Variants in ANK1 observed in about 807,000 individuals in gnomAD.
ANK1 encodes the protein ankyrin-1.
ANK1 carries 51 observed loss-of-function variants against 210.4 expected under a neutral mutation model. The ratio of observed to expected loss-of-function variants is 0.24; its 90% CI spans 0.19 to 0.31. ANK1 has a LOEUF of 0.31. Among genes scored for constraint, ANK1 ranks in the 10% least tolerant of loss-of-function variants. ANK1 has a pLI of 1.00. For missense variants in ANK1, 2,051 were observed against 2,504.4 expected (o/e 0.82, Z 3.86); for synonymous variants, 967 against 1,025.9 (o/e 0.94, Z 1.10).
At chr8:41,732,772 A>G (rs1832515266) in intron 3 of ANK1, among the ~76,000 whole-genome samples, 1 of 151,646 alleles carries the variant, frequency 6.6e-6, no homozygotes, top group Non-Finnish European at 1.5e-5. Flanking sequence ...TCTGTCACCC[A>G]GGCTAGAGTG....
chr8:41,840,007 C>T (rs555747979), intron 1 of ANK1: 1 of 152,042 alleles, frequency 6.6e-6, no homozygotes, highest in South Asian at 2.1e-4. Context: ...TGCAATTTTT[C>T]TATAGATTTA....
chr8:41,688,100 G>C (rs1489326907), intron 35 of ANK1, 56 bp downstream of exon 35: 19 of 1,550,778 alleles, frequency 1.2e-5, no homozygotes, highest in Non-Finnish European at 1.5e-5. Flanking sequence ...TCATTACAGG[G>C]GAAGAGGGTA....
chr8:41,724,040 G>C (rs191361453), intron 7 of ANK1, among the ~76,000 whole-genome samples: 1 of 151,762 alleles, frequency 6.6e-6, no homozygotes, highest in Non-Finnish European at 1.5e-5. Context: ...CGCCCGTCTC[G>C]GCCTCCCAAA....
chr8:41,799,765 C>G (rs993434407), upstream of ANK1, among the ~76,000 whole-genome samples: 1 of 152,152 alleles, frequency 6.6e-6, no homozygotes, highest in Non-Finnish European at 1.5e-5. Flanking sequence ...GCTCCTCTCC[C>G]TTGGATACAG....
At chr8:41,708,009 C>A (rs778171392) in intron 17 of ANK1, among the ~76,000 whole-genome samples, 46 of 151,970 alleles carry the variant, frequency 3.0e-4, no homozygotes, top group Non-Finnish European at 6.2e-4. Context: ...TGTGAGGGAC[C>A]GGGGGCTCTG....
chr8:41,869,591 AG>A (rs1461494463), intron 1 of ANK1, among the ~76,000 whole-genome samples: 1 of 152,170 alleles, frequency 6.6e-6, no homozygotes, highest in African/African-American at 2.4e-5. Flanking sequence ...TTTAAAAAAA[AG>A]AAAGGAAAAC....
chr8:41,703,701 C>T (rs1019468949), intron 20 of ANK1, among the ~76,000 whole-genome samples: 8 of 151,626 alleles, frequency 5.3e-5, no homozygotes, highest in African/African-American at 1.2e-4. Context: ...ATGTTGCCCA[C>T]GCTGGTCTTG....
intron 1 of ANK1, among the ~76,000 whole-genome samples, chr8:41,836,137 T>G (rs937223482): frequency 1.3e-5 from 2 of 152,230 alleles, no homozygotes; most frequent in African/African-American, 4.8e-5. Flanking sequence ...CTTCAGCCAC[T>G]CTGGGAGACT....
intron 1 of ANK1, among the ~76,000 whole-genome samples, chr8:41,894,871 C>T (rs1193635243): frequency 1.3e-5 from 2 of 151,776 alleles, no homozygotes; most frequent in Admixed American, 6.6e-5. Context: ...GTGGCACCAA[C>T]CCAAACTCTG....
At position 41,757,989 on chromosome 8, in the gene ANK1, C is replaced by A. The variant is rs547958201; in HGVS notation, c.129+47G>T. 3.9e-6 allele frequency: 6 copies of A among 1,530,708 alleles called. No homozygotes were observed. In the South Asian group the frequency reaches 5.6e-5, roughly 14 times the overall value. 94.8% of individuals were successfully genotyped at this position (1,530,708 alleles called of 1,614,324 possible). A position where few individuals can be genotyped will look rare whatever the true frequency, so the allele number is the denominator to read the frequency against. ...AAAGCTCTCAGGAAATGGCATCAGG[C>A]AAGAGCTACTCTTCAGAGACAACAG... On this transcript the variant is annotated intron_variant, in intron 2 of 42. Transcript: ENST00000289734.
chr8:41,723,856 C>T (rs1829999599), intron 7 of ANK1, among the ~76,000 whole-genome samples: 1 of 149,286 alleles, frequency 6.7e-6, no homozygotes, highest in Non-Finnish European at 1.5e-5. Flanking sequence ...GTGGCGCGAT[C>T]TCGACTCACT....
chr8:41,715,132 A>C, intron 14 of ANK1, 58 bp from the exon 15 acceptor site: 2 of 1,480,034 alleles, frequency 1.4e-6, no homozygotes, highest in South Asian at 2.3e-5. Context: ...CCCTGGAGAA[A>C]GGGCCCACAG....
intron 37 of ANK1, among the ~76,000 whole-genome samples, chr8:41,684,224 G>A (rs1586050775): frequency 1.3e-5 from 2 of 152,246 alleles, no homozygotes; most frequent in East Asian, 3.9e-4. Flanking sequence ...TCTCTAGCTA[G>A]AGGCCTCTGA....
At chr8:41,822,659 A>G (rs569771789) in intron 1 of ANK1, among the ~76,000 whole-genome samples, 62 of 152,174 alleles carry the variant, frequency 4.1e-4, no homozygotes, top group Non-Finnish European at 7.9e-4. Context: ...GGGTTCAAGG[A>G]CCCAGGAGAC....
intron 2 of ANK1, among the ~76,000 whole-genome samples, chr8:41,738,234 G>C (rs1342549493): frequency 1.3e-5 from 2 of 152,088 alleles, no homozygotes; most frequent in Non-Finnish European, 2.9e-5. Flanking sequence ...GCTAAAATAT[G>C]CTCCCAGCTC....
chr8:41,683,580 G>A (rs1413635386), intron 37 of ANK1, among the ~76,000 whole-genome samples: 5 of 152,226 alleles, frequency 3.3e-5, no homozygotes, highest in Admixed American at 2.0e-4. Flanking sequence ...AGGCATCCAG[G>A]GTGACGCGTC....
chr8:41,706,301 AAG>A, intron 17 of ANK1, 60 bp from the exon 18 acceptor site: 2 of 1,489,620 alleles, frequency 1.3e-6, no homozygotes, highest in South Asian at 1.2e-5. Flanking sequence ...GCCACAAGTA[AAG>A]AGCTCTGAGG....
In ANK1 at chr8:41,725,957, G is replaced by A. The variant is rs759180301; in HGVS notation, c.427-11C>T. On this transcript the variant is annotated splice_polypyrimidine_tract_variant and intron_variant, in intron 5 of 42. Coordinates refer to ENST00000289734, the MANE Select transcript of ANK1 (RefSeq NM_000037.4). ...AGGCGTGAAGCCGTCCTGGCCAGAG[G>A]AGGAAAATGCTTTGCTCTGACTCGT... The A allele has an allele frequency of 2.5e-6, 4 of 1,612,620 alleles. No homozygotes were observed. The highest frequency in any genetic ancestry group is 4.5e-5 in the East Asian group (2 of 44,852).
chr8:41,694,233 C>G lies in ANK1; in HGVS notation c.3328-131G>C. 1 of 991,456 alleles carries G rather than the reference C, an allele frequency of 1.0e-6. No homozygotes were observed. Among genetic ancestry groups the G allele is most frequent in the East Asian group, 2.6e-5 (1 of 37,970 alleles). The allele number at this position is 991,456 out of a possible 1,614,324, so 61.4% of individuals were successfully genotyped here. On this transcript the variant is annotated intron_variant, in intron 28 of 42. Transcript: ENST00000289734. This position sits in a 1 kb window ranked among gnomAD's most constrained non-coding sequence, Gnocchi z 5.7. ...CCGCCCTGCTGTTGGACCACAGAACCGACACGGTGGAGCTTGCCTTCCTGA... is the reference window on the plus strand; with the variant it reads ...CCGCCCTGCTGTTGGACCACAGAACGGACACGGTGGAGCTTGCCTTCCTGA...
Sources: allele counts gnomAD v4.1 joint callset (sites outside exome capture counted in the v4.1 genomes callset), GRCh38; gene constraint gnomAD v4.1.1; non-coding constraint Gnocchi (gnomAD v3.1); transcripts MANE v1.5; gene names NCBI Gene and HGNC (gene_info 2026-07-23, HGNC 2026-07-21).